The following MYH14 variants were observed in gnomAD, a reference collection of about 807,000 sequenced individuals.
MYH14 encodes myosin heavy chain 14, also known as myosin-14.
A neutral mutation model predicts 255.5 loss-of-function variants in MYH14; 123 were observed. The ratio of observed to expected loss-of-function variants is 0.48; its 90% CI spans 0.42 to 0.56. MYH14 has a LOEUF of 0.56. Among genes scored for constraint, MYH14 ranks in the 20% least tolerant of loss-of-function variants. The probability of loss-of-function intolerance (pLI) is 0.00; values close to 1 mark genes in which losing one functional copy is unlikely to be tolerated. For synonymous variants in MYH14, 1,095 were observed against 1,161.2 expected (o/e 0.94, Z 1.16); for missense variants, 2,423 against 2,802.3 (o/e 0.86, Z 3.06).
chr19:50,305,749 G>A (rs1042849412), intron 40 of MYH14, among the ~76,000 whole-genome samples: 12 of 151,542 alleles, frequency 7.9e-5, no homozygotes, highest in African/African-American at 2.9e-4. Context: ...GCAACATGGC[G>A]AGACCCCATC....
At chr19:50,207,439 G>A (rs1176505670) in intron 1 of MYH14, among the ~76,000 whole-genome samples, 1 of 151,994 alleles carries the variant, frequency 6.6e-6, no homozygotes, top group Non-Finnish European at 1.5e-5. Flanking sequence ...ATGGTGGGAG[G>A]GGCCTAACAC....
chr19:50,272,724 C>T lies in MYH14; in HGVS notation c.3460C>T (p.Leu1154=). Residue 1154 remains leucine, a synonymous_variant, in exon 27 of 43, where the codon CTG becomes TTG. Transcript: ENST00000642316. ...GRKEEELQAA[L]ARAEDEGGAR... Reference sequence around the variant, plus strand: ...GAAGGAGGAGGAGCTGCAGGCTGCCCTGGCCAGGTGCAGGGTGGGGTGGGC... The same window carrying T: ...GAAGGAGGAGGAGCTGCAGGCTGCCTTGGCCAGGTGCAGGGTGGGGTGGGC... 1 of 1,550,474 alleles carries T rather than the reference C, an allele frequency of 6.4e-7. No homozygotes were observed. Among genetic ancestry groups the T allele is most frequent in the Admixed American group, 2.0e-5 (1 of 51,048 alleles).
chr19:50,307,969 CTG>C (rs774609384), intron 41 of MYH14, among the ~76,000 whole-genome samples: 15 of 152,216 alleles, frequency 9.9e-5, no homozygotes, highest in Non-Finnish European at 1.9e-4. Flanking sequence ...GAGGAAGTCC[CTG>C]CCCTCATGGA....
intron 35 of MYH14, among the ~76,000 whole-genome samples, chr19:50,290,143 C>T (rs2036022194): frequency 6.6e-6 from 1 of 152,054 alleles, no homozygotes. Context: ...TCCCTTCCAA[C>T]CCATCTCCTC....
chr19:50,212,443 T>C (rs1266805314), intron 2 of MYH14, among the ~76,000 whole-genome samples: 2 of 152,210 alleles, frequency 1.3e-5, no homozygotes, highest in Non-Finnish European at 2.9e-5. Context: ...GTTCTAAGTG[T>C]GGCGTGTGAG....
chr19:50,231,435 TG>T (rs1217243315), intron 9 of MYH14, among the ~76,000 whole-genome samples: 2 of 152,208 alleles, frequency 1.3e-5, no homozygotes, highest in Non-Finnish European at 2.9e-5. Flanking sequence ...ATACACTGCG[TG>T]GGGACTCATG....
chr19:50,280,046 G>C lies in MYH14; in HGVS notation c.4042G>C (p.Glu1348Gln). 1 of 1,608,632 alleles carries C rather than the reference G, an allele frequency of 6.2e-7. No homozygotes were observed. The highest frequency in any genetic ancestry group is 2.2e-5 in the East Asian group (1 of 44,698). Residue 1348 changes from glutamate (E) to glutamine (Q), a missense_variant, in exon 31 of 43, where the codon GAG (glutamate) becomes CAG (glutamine). Physicochemically the swap from Glu to Gln is conservative, Grantham distance 29 (BLOSUM62 2). Coordinates refer to ENST00000642316, the MANE Select transcript of MYH14 (RefSeq NM_001145809.2). The surrounding 1 kb of genome is among the most constrained non-coding windows in gnomAD (Gnocchi z 4.8). ...EKLQRAQAEL[E>Q]NVSGALNEAE... ...CGTCCCTTCCCTGCAGGCTGAACTG[G>C]AGAATGTGTCTGGGGCGCTGAACGA...
At chr19:50,248,928 G>A (rs1170076987) in intron 12 of MYH14, 59 bp from the exon 13 acceptor site, 9 of 1,596,236 alleles carry the variant, frequency 5.6e-6, no homozygotes, top group Middle Eastern at 2.2e-4. Flanking sequence ...GTTCACCCCC[G>A]ACGTCTTTCA....
rs1419535779 is a variant in MYH14 at position 50,249,081 on chromosome 19, C to T, written c.1424C>T (p.Pro475Leu). ...CTCAACCGGGCCTTGGACCGCAGCC[C>T]CCGCCAAGGCGCCTCCTTCCTGGGC... ...LRLNRALDRS[P>L]RQGASFLGIL... Residue 475 changes from proline (P) to leucine (L), a missense_variant, in exon 13 of 43, where the codon CCC (proline) becomes CTC (leucine). Transcript: ENST00000642316. 13 of 1,605,228 alleles carry T rather than the reference C, an allele frequency of 8.1e-6. No homozygotes were observed. The highest frequency in any genetic ancestry group is 1.1e-5 in the Non-Finnish European group (13 of 1,176,362).
chr19:50,219,849 T>A (rs2032720283), intron 3 of MYH14, among the ~76,000 whole-genome samples: 1 of 152,164 alleles, frequency 6.6e-6, no homozygotes, highest in Non-Finnish European at 1.5e-5. Flanking sequence ...TCATAGATAT[T>A]TAGTATTTTT....
In MYH14 at chr19:50,289,396, C is replaced by T. The variant is rs774764674; in HGVS notation, c.4753-40C>T. On this transcript the variant is annotated intron_variant, in intron 34 of 42. Transcript: ENST00000642316. The stretch of plus-strand genomic sequence containing the variant: ...TAGCTAGGCTCCTAACCTCCTCTGC[C>T]TCAGTGACCCAGGTACCCAGCAGCT... 3 of 1,547,184 alleles carry T rather than the reference C, an allele frequency of 1.9e-6. No homozygotes were observed. The South Asian group carries it at 3.5e-5, about 18-fold the overall frequency.
At position 50,293,113 on chromosome 19, in the gene MYH14, C is replaced by A; in HGVS notation, c.5257-120C>A. 2 of 737,616 alleles carry A rather than the reference C, an allele frequency of 2.7e-6. No individual in the cohort carries two copies. The highest frequency in any genetic ancestry group is 2.4e-6 in the Non-Finnish European group (1 of 412,230). 45.7% of individuals were successfully genotyped at this position (737,616 alleles called of 1,614,324 possible). A position where few individuals can be genotyped will look rare whatever the true frequency, so the allele number is the denominator to read the frequency against. On this transcript the variant is annotated intron_variant, in intron 37 of 42. Coordinates refer to ENST00000642316, the MANE Select transcript of MYH14 (RefSeq NM_001145809.2). This position sits in a 1 kb window ranked among gnomAD's most constrained non-coding sequence, Gnocchi z 4.1. The stretch of plus-strand genomic sequence containing the variant: ...TAGGTTGCAGCTCATTCCAGGGTTA[C>A]CCAGGGACAGCATGAGAAAAAAGCC...
chr19:50,297,038 T>C (rs1262443382), intron 39 of MYH14, among the ~76,000 whole-genome samples: 1 of 151,986 alleles, frequency 6.6e-6, no homozygotes, highest in East Asian at 1.9e-4. Flanking sequence ...CAGACTGGAG[T>C]GCCGTGGTGT....
chr19:50,261,670 G>A, intron 21 of MYH14, 35 bp downstream of exon 21: 3 of 1,546,338 alleles, frequency 1.9e-6, no homozygotes, highest in Non-Finnish European at 2.6e-6. Flanking sequence ...GGTCCTGTTG[G>A]CCGAGACTGG....
Position 50,310,355 on chromosome 19 carries a change from T to G in MYH14, c.*565T>G, listed in dbSNP as rs2036821576. 6.1e-6 allele frequency: 1 copy of G among 164,740 alleles called. No homozygotes were observed. The highest frequency in any genetic ancestry group is 1.3e-5 in the Non-Finnish European group (1 of 77,006). The allele number at this position is 164,740 out of a possible 1,614,324, so 10.2% of individuals were successfully genotyped here. Reference sequence around the variant, plus strand: ...TCCTGAGCGACAGAAGCCCCAGGCCTCCACCAGCCTTGAACCCTTGCAAAG... The same window carrying G: ...TCCTGAGCGACAGAAGCCCCAGGCCGCCACCAGCCTTGAACCCTTGCAAAG... On this transcript the variant is annotated 3_prime_UTR_variant, in exon 43 of 43. Transcript: ENST00000642316.
intron 15 of MYH14, among the ~76,000 whole-genome samples, chr19:50,251,488 CATATATATAT>C (rs1332732653): frequency 2.7e-4 from 38 of 143,012 alleles, no homozygotes; most frequent in East Asian, 6.1e-4. Flanking sequence ...TATATACACA[CATATATATAT>C]ACACACATAT....
At position 50,281,699 on chromosome 19, in the gene MYH14, C is replaced by G; in HGVS notation, c.4396C>G (p.Leu1466Val). ...AREAEALTQRLAEKTETVDRL... is the reference protein window; with the variant it reads ...AREAEALTQRVAEKTETVDRL... Reference sequence around the variant, plus strand: ...GGAGGCCGAGGCCCTGACCCAGCGCCTGGCAGAAAAGACAGAGACCGTGGA... The same window carrying G: ...GGAGGCCGAGGCCCTGACCCAGCGCGTGGCAGAAAAGACAGAGACCGTGGA... The change falls in exon 33 of 43, where the codon CTG (leucine) becomes GTG (valine). Residue 1466 changes from leucine to valine, a missense_variant. Physicochemically the swap from Leu to Val is conservative, Grantham distance 32. This residue lies in a region of MYH14 where 1,513 missense variants were observed against 1,674.8 expected (regional missense o/e 0.90). Coordinates refer to ENST00000642316, the MANE Select transcript of MYH14 (RefSeq NM_001145809.2). 6.2e-7 allele frequency: 1 copy of G among 1,612,270 alleles called. No individual in the cohort carries two copies. The highest frequency in any genetic ancestry group is 1.1e-5 in the South Asian group (1 of 91,026).
intron 27 of MYH14, among the ~76,000 whole-genome samples, chr19:50,274,892 C>G (rs1346649700): frequency 6.7e-6 from 1 of 150,236 alleles, no homozygotes; most frequent in Non-Finnish European, 1.5e-5. Flanking sequence ...GATTGTGCCA[C>G]TGCACTCTGG....
chr19:50,249,851 A>C (rs367888043), intron 14 of MYH14, 28 bp downstream of exon 14: 1 of 1,612,618 alleles, frequency 6.2e-7, no homozygotes, highest in East Asian at 2.2e-5. Context: ...CCCAGCCCAC[A>C]CTCACGGTTC....
Sources: gnomAD v4.1 joint callset for allele counts (sites outside exome capture counted in the v4.1 genomes callset) on GRCh38, gnomAD v4.1.1 for gene constraint, gnomAD v4.1.1 regional missense constraint, Gnocchi (gnomAD v3.1) non-coding constraint, MANE v1.5 for transcripts, NCBI Gene and HGNC (gene_info 2026-07-23, HGNC 2026-07-21) for gene names.